Variants in LRBA observed in about 807,000 individuals in gnomAD.
The protein encoded by LRBA is LPS responsive beige-like anchor protein, also known as lipopolysaccharide-responsive and beige-like anchor protein.
A neutral mutation model predicts 330.0 loss-of-function variants in LRBA; 176 were observed. The observed-to-expected ratio is 0.53, with a 90% CI of 0.47 to 0.60. LRBA has a LOEUF of 0.60. Ranked by LOEUF, LRBA falls within the 20% of genes least tolerant of loss-of-function variation. The probability of loss-of-function intolerance (pLI) is 0.00; values close to 1 mark genes in which losing one functional copy is unlikely to be tolerated. For synonymous variants in LRBA, 1,230 were observed against 1,193.0 expected, an observed-to-expected ratio of 1.03 and a Z score of -0.64; for missense variants, 3,259 against 3,444.8, an observed-to-expected ratio of 0.95 and a Z score of 1.35.
intron 2 of LRBA, among the ~76,000 whole-genome samples, chr4:150,988,749 T>G (rs1183645528): frequency 6.6e-6 from 1 of 152,066 alleles, no homozygotes; most frequent in Non-Finnish European, 1.5e-5. Context: ...CAGCTAATTT[T>G]TGTATTTTCA....
intron 40 of LRBA, among the ~76,000 whole-genome samples, chr4:150,493,106 G>C (rs530004533): frequency 3.5e-4 from 53 of 152,176 alleles, no homozygotes; most frequent in African/African-American, 1.2e-3. Flanking sequence ...TCGGCCTCTT[G>C]AGTAGCTGGG....
intron 47 of LRBA, among the ~76,000 whole-genome samples, chr4:150,361,509 T>C (rs765323909): frequency 2.6e-5 from 4 of 152,190 alleles, no homozygotes; most frequent in Non-Finnish European, 5.9e-5. Context: ...ACCTCTGCAT[T>C]ATGGTGTTTG....
chr4:150,582,893 A>G, intron 40 of LRBA: 1 of 1,075,766 alleles, frequency 9.3e-7, no homozygotes. Flanking sequence ...CCCAGGTGGA[A>G]AACGAGAGTG....
intron 47 of LRBA, among the ~76,000 whole-genome samples, chr4:150,373,834 T>C (rs1027274837): frequency 6.6e-6 from 1 of 152,200 alleles, no homozygotes; most frequent in African/African-American, 2.4e-5. Flanking sequence ...TCCCTGTGTT[T>C]GGAGTAGAAA....
At chr4:150,575,067 C>G (rs997412227) in intron 40 of LRBA, among the ~76,000 whole-genome samples, 1 of 151,750 alleles carries the variant, frequency 6.6e-6, no homozygotes, top group Admixed American at 6.6e-5. Context: ...CTTTATGATC[C>G]AAAGATAATA....
Position 150,319,196 on chromosome 4 carries a change from C to T in LRBA, c.7630+1995G>A, listed in dbSNP as rs180904471. 1.3e-4 allele frequency among the ~76,000 whole-genome samples: 19 copies of T among 151,850 alleles called. No individual in the cohort carries two copies. The East Asian group carries it at 2.1e-3, about 17-fold the overall frequency. ...TGAGCCAGCTCAGTTCCCGTTGAGC[C>T]AGCTCTTCCTAGGCTAAAGTAAAGA... On this transcript the variant is annotated intron_variant, in intron 50 of 56. Coordinates refer to ENST00000651943, the MANE Select transcript of LRBA (RefSeq NM_001364905.1).
intron 36 of LRBA, among the ~76,000 whole-genome samples, chr4:150,692,702 G>A (rs552525039): frequency 1.3e-5 from 2 of 152,202 alleles, no homozygotes; most frequent in East Asian, 1.9e-4. Flanking sequence ...GTAAAAAATA[G>A]ATAATATATA....
At chr4:150,992,895 T>C (rs930857917) in intron 2 of LRBA, among the ~76,000 whole-genome samples, 2 of 152,218 alleles carry the variant, frequency 1.3e-5, no homozygotes, top group Non-Finnish European at 2.9e-5. Context: ...ACTTGAACTA[T>C]TTTATAAAAT....
chr4:150,484,748 C>T (rs774106913), intron 42 of LRBA, among the ~76,000 whole-genome samples: 47 of 151,938 alleles, frequency 3.1e-4, no homozygotes, highest in Non-Finnish European at 6.2e-4. Context: ...CTCCTCCCCT[C>T]CCCCTTACCC....
intron 2 of LRBA, among the ~76,000 whole-genome samples, chr4:150,968,151 T>C (rs1270067662): frequency 6.6e-6 from 1 of 151,976 alleles, no homozygotes. Flanking sequence ...ATTCCAGGCA[T>C]CTGCCACCAT....
chr4:150,973,522 G>A (rs1190849203), intron 2 of LRBA, among the ~76,000 whole-genome samples: 1 of 152,102 alleles, frequency 6.6e-6, no homozygotes, highest in Non-Finnish European at 1.5e-5. Flanking sequence ...GTCCAATCTT[G>A]TTCTACATTA....
At chr4:150,850,179 C>T (rs1750439769) in intron 24 of LRBA, among the ~76,000 whole-genome samples, 1 of 151,724 alleles carries the variant, frequency 6.6e-6, no homozygotes, top group Non-Finnish European at 1.5e-5. Flanking sequence ...CTGCAAGCGC[C>T]ACCTCCCGGG....
intron 40 of LRBA, among the ~76,000 whole-genome samples, chr4:150,498,291 C>T (rs1222995724): frequency 3.9e-5 from 6 of 152,042 alleles, no homozygotes; most frequent in Admixed American, 3.3e-4. Context: ...GTTTTATTTT[C>T]AATATTCCTC....
intron 36 of LRBA, among the ~76,000 whole-genome samples, chr4:150,690,229 C>A (rs571707920): frequency 6.6e-6 from 1 of 152,006 alleles, no homozygotes; most frequent in Non-Finnish European, 1.5e-5. Flanking sequence ...GTAGGCCGGG[C>A]GCTGTGGCTC....
At position 150,837,883 on chromosome 4, in the gene LRBA, G is replaced by C. The variant is rs554339581; in HGVS notation, c.4570-5907C>G. On this transcript the variant is annotated intron_variant, in intron 28 of 56. Transcript: ENST00000651943. ...CATTAGTTGATGCAGTTTCTTCCTA[G>C]CATCGATGGTCTTTACAATTTGGCA... 4.6e-3 allele frequency among the ~76,000 whole-genome samples: 695 copies of C among 152,282 alleles called. 3 individuals carry two copies. The highest frequency in any genetic ancestry group is 7.6e-3 in the Non-Finnish European group (520 of 68,022).
At chr4:150,374,594 C>T (rs999696708) in intron 47 of LRBA, among the ~76,000 whole-genome samples, 3 of 152,120 alleles carry the variant, frequency 2.0e-5, no homozygotes, top group Non-Finnish European at 4.4e-5. Flanking sequence ...CGAAATGCTC[C>T]AAAGTCTGAA....
chr4:150,423,199 GCT>G (rs1400806151), intron 46 of LRBA: 1 of 1,385,322 alleles, frequency 7.2e-7, no homozygotes, highest in East Asian at 2.3e-5. Flanking sequence ...GGCTTTCTTG[GCT>G]CTGGAGAAGT....
chr4:150,585,816 G>T (rs1299743135), intron 40 of LRBA, among the ~76,000 whole-genome samples: 2 of 152,182 alleles, frequency 1.3e-5, no homozygotes, highest in African/African-American at 4.8e-5. Context: ...GAAGAAGTTT[G>T]AGAGGGGGAA....
chr4:150,768,809 A>G (rs1393490381), intron 34 of LRBA, among the ~76,000 whole-genome samples: 1 of 152,124 alleles, frequency 6.6e-6, no homozygotes, highest in Non-Finnish European at 1.5e-5. Flanking sequence ...AAAACAGACA[A>G]TATTGTTAAG....
Sources: gnomAD v4.1 joint callset for allele counts (sites outside exome capture counted in the v4.1 genomes callset) on GRCh38, gnomAD v4.1.1 for gene constraint, MANE v1.5 for transcripts, NCBI Gene and HGNC (gene_info 2026-07-23, HGNC 2026-07-21) for gene names.